The following DNAJC27 variants were observed in gnomAD, a reference collection of about 807,000 sequenced individuals.
DNAJC27 encodes DnaJ heat shock protein family (Hsp40) member C27, also known as dnaJ homolog subfamily C member 27.
A neutral mutation model predicts 31.4 loss-of-function variants in DNAJC27; 25 were observed. That is an observed-to-expected ratio of 0.80 (90% confidence interval 0.58 to 1.11). The LOEUF is 1.11. Among genes scored for constraint, DNAJC27 ranks in the 50% most tolerant of loss-of-function variants. The pLI is 0.00. For missense variants in DNAJC27, 356 were observed against 347.3 expected (o/e 1.02, Z -0.20); for synonymous variants, 106 against 112.7 (o/e 0.94, Z 0.37).
chr2:24,963,251 C>T, intron 3 of DNAJC27, 154 bp downstream of exon 3: 1 of 482,926 alleles, frequency 2.1e-6, no homozygotes, highest in Non-Finnish European at 3.7e-6. Context: ...CAACAGTTGT[C>T]TATTAACTCA....
chr2:24,970,370 T>G (rs910703468), intron 1 of DNAJC27, among the ~76,000 whole-genome samples: 1 of 152,020 alleles, frequency 6.6e-6, no homozygotes, highest in African/African-American at 2.4e-5. Flanking sequence ...TTGCACTGGC[T>G]AATAAAACTA....
intron 6 of DNAJC27, among the ~76,000 whole-genome samples, chr2:24,949,196 C>G (rs545940384): frequency 6.6e-6 from 1 of 152,308 alleles, no homozygotes; most frequent in Non-Finnish European, 1.5e-5. Context: ...ATGTGTAATT[C>G]TGATAATTCG....
At chr2:24,971,752 C>T (rs959372429) in intron 1 of DNAJC27, 66 bp downstream of exon 1, 12 of 1,437,788 alleles carry the variant, frequency 8.3e-6, no homozygotes, top group African/African-American at 5.8e-5. Flanking sequence ...AGTGGCCGCC[C>T]TTCCAGCCAA....
intron 3 of DNAJC27, among the ~76,000 whole-genome samples, chr2:24,959,539 CA>C (rs1665990286): frequency 6.6e-6 from 1 of 152,186 alleles, no homozygotes; most frequent in African/African-American, 2.4e-5. Context: ...TCCAAAGTTC[CA>C]ACTTTCTCAA....
intron 1 of DNAJC27, among the ~76,000 whole-genome samples, chr2:24,970,779 G>A (rs949512659): frequency 9.2e-5 from 14 of 151,578 alleles, no homozygotes; most frequent in Admixed American, 8.5e-4. Flanking sequence ...AAAACACCTC[G>A]TACACAGCTG....
Position 24,971,920 on chromosome 2 carries a change from G to C in DNAJC27, c.-16C>G. On this transcript the variant is annotated 5_prime_UTR_variant, in exon 1 of 7. Coordinates refer to ENST00000264711, the MANE Select transcript of DNAJC27 (RefSeq NM_016544.3). The stretch of plus-strand genomic sequence containing the variant: ...TGGCCTCCATGGCCCTGGCTCTCTC[G>C]GGGCCACCCGCCTCGGTCTCTTCTT... 6.4e-7 allele frequency: 1 copy of C among 1,557,950 alleles called. No individual in the cohort carries two copies. The highest frequency in any genetic ancestry group is 8.7e-7 in the Non-Finnish European group (1 of 1,154,474).
At chr2:24,952,193 A>C (rs1290972247) in intron 5 of DNAJC27, among the ~76,000 whole-genome samples, 1 of 152,186 alleles carries the variant, frequency 6.6e-6, no homozygotes, top group Non-Finnish European at 1.5e-5. Flanking sequence ...GAAAAGTGTA[A>C]AATGAAAACT....
At chr2:24,956,048 C>G (rs1665896714) in intron 5 of DNAJC27, among the ~76,000 whole-genome samples, 1 of 152,192 alleles carries the variant, frequency 6.6e-6, no homozygotes, top group South Asian at 2.1e-4. Context: ...CCAGCATCAA[C>G]TTTATTTGAT....
At chr2:24,964,274 TA>T (rs1666122668) in intron 2 of DNAJC27, among the ~76,000 whole-genome samples, 1 of 151,728 alleles carries the variant, frequency 6.6e-6, no homozygotes, top group South Asian at 2.1e-4. Flanking sequence ...TAAAAAAAAT[TA>T]GCCGGGCGTG....
At chr2:24,967,004 G>C (rs539045106) in intron 2 of DNAJC27, among the ~76,000 whole-genome samples, 1 of 152,146 alleles carries the variant, frequency 6.6e-6, no homozygotes, top group Non-Finnish European at 1.5e-5. Flanking sequence ...CTGGTGAATG[G>C]GATGTGCTCA....
chr2:24,969,997 G>A (rs1453171596), intron 1 of DNAJC27, among the ~76,000 whole-genome samples: 2 of 152,222 alleles, frequency 1.3e-5, no homozygotes, highest in East Asian at 1.9e-4. Context: ...GTAATCCCAC[G>A]TAAGGAAAAA....
chr2:24,962,842 C>T (rs1368359157), intron 3 of DNAJC27, among the ~76,000 whole-genome samples: 4 of 152,006 alleles, frequency 2.6e-5, no homozygotes, highest in South Asian at 2.1e-4. Flanking sequence ...AGAAGTGAAA[C>T]GGCCAAACCA....
At chr2:24,970,254 A>T (rs1180676822) in intron 1 of DNAJC27, among the ~76,000 whole-genome samples, 1 of 152,126 alleles carries the variant, frequency 6.6e-6, no homozygotes, top group African/African-American at 2.4e-5. Flanking sequence ...ATAGTTTTTC[A>T]GTTATTTCTC....
At chr2:24,966,471 C>A (rs1000098275) in intron 2 of DNAJC27, among the ~76,000 whole-genome samples, 1 of 150,140 alleles carries the variant, frequency 6.7e-6, no homozygotes, top group Non-Finnish European at 1.5e-5. Flanking sequence ...TTTTTTTTTT[C>A]TTTTTTTGTG....
At position 24,967,203 on chromosome 2, in the gene DNAJC27, A is replaced by G. The variant is rs759970943; in HGVS notation, c.170+8T>C. 18 of 1,608,018 alleles carry G rather than the reference A, an allele frequency of 1.1e-5. No homozygotes were observed. In the East Asian group the frequency reaches 3.3e-4, roughly 30 times the overall value. On this transcript the variant is annotated splice_region_variant and intron_variant, in intron 2 of 6. Transcript: ENST00000264711. ...TAACTTACAAACCCAGGGAAACAAT[A>G]TACTTACTTTGTGACTCCATAGTCA...
intron 3 of DNAJC27, among the ~76,000 whole-genome samples, chr2:24,960,864 G>C (rs1167221233): frequency 6.6e-6 from 1 of 152,228 alleles, no homozygotes; most frequent in East Asian, 1.9e-4. Context: ...TAACATAAAA[G>C]GGCAACATGA....
rs1665592965 is a variant in DNAJC27 at position 24,944,228 on chromosome 2, G to T, written c.*3388C>A. The T allele has an allele frequency of 6.6e-6, 1 of 152,146 alleles. No homozygotes were observed. The highest frequency in any genetic ancestry group is 2.4e-5 in the African/African-American group (1 of 41,434). 9.4% of individuals were successfully genotyped at this position (152,146 alleles called of 1,614,324 possible). The stretch of plus-strand genomic sequence containing the variant: ...ATTCCCATGCCTAGTGGAATTAGTT[G>T]TAAGACGCGCACTGTCACTGTCAAA... On this transcript the variant is annotated 3_prime_UTR_variant, in exon 7 of 7. Coordinates refer to ENST00000264711, the MANE Select transcript of DNAJC27 (RefSeq NM_016544.3).
intron 5 of DNAJC27, among the ~76,000 whole-genome samples, chr2:24,954,496 T>G (rs1222908887): frequency 2.0e-5 from 3 of 152,138 alleles, no homozygotes; most frequent in Non-Finnish European, 4.4e-5. Context: ...CCTGCCAAAT[T>G]AGAAGGGCTT....
chr2:24,968,908 C>G (rs1666255591), intron 1 of DNAJC27: 1 of 157,736 alleles, frequency 6.3e-6, no homozygotes, highest in African/African-American at 2.4e-5. Flanking sequence ...CATTTTATTG[C>G]TTGAGTACAT....
Sources: allele counts gnomAD v4.1 joint callset (sites outside exome capture counted in the v4.1 genomes callset), GRCh38; gene constraint gnomAD v4.1.1; transcripts MANE v1.5; gene names NCBI Gene and HGNC (gene_info 2026-07-23, HGNC 2026-07-21).